USP28: variants seen among roughly 807,000 people sequenced by gnomAD.
USP28 encodes ubiquitin specific peptidase 28.
A neutral mutation model predicts 145.0 loss-of-function variants in USP28; 113 were observed. The ratio of observed to expected loss-of-function variants is 0.78; its 90% confidence interval spans 0.67 to 0.91. The LOEUF is 0.91. Ranked by LOEUF, USP28 falls within the 40% of genes least tolerant of loss-of-function variation. The pLI, the probability that USP28 is intolerant of heterozygous loss-of-function variation, is 0.00. For missense variants in USP28, 1,201 were observed against 1,289.6 expected (o/e 0.93, Z 1.05); for synonymous variants, 447 against 450.9 (o/e 0.99, Z 0.11).
At position 113,831,887 on chromosome 11, in the gene USP28, G is replaced by A. The variant is rs763287681; in HGVS notation, c.833+33C>T. The A allele has an allele frequency of 2.3e-5, 37 of 1,597,400 alleles. No homozygotes were observed. In the East Asian group the frequency reaches 3.8e-4, roughly 16 times the overall value. Reference sequence around the variant, plus strand: ...AATTCTCACTGGCCCACTGTGAGTCGGAAGGATGTACAAACAAACCCTCAA... The same window carrying A: ...AATTCTCACTGGCCCACTGTGAGTCAGAAGGATGTACAAACAAACCCTCAA... On this transcript the variant is annotated intron_variant, in intron 8 of 24. Transcript: ENST00000003302.
At chr11:113,854,193 T>C in intron 2 of USP28, 65 bp downstream of exon 2, 1 of 1,431,734 alleles carries the variant, frequency 7.0e-7, no homozygotes, top group Non-Finnish European at 9.6e-7. Context: ...TAGCTTGAAC[T>C]GACATAACTA....
chr11:113,831,104 ATTG>A (rs1943935534), intron 8 of USP28, 161 bp from the exon 9 acceptor site: 2 of 640,278 alleles, frequency 3.1e-6, no homozygotes, highest in South Asian at 4.0e-5. Flanking sequence ...TCAAATATTT[ATTG>A]AACACCTTCT....
intron 1 of USP28, among the ~76,000 whole-genome samples, chr11:113,868,354 T>C (rs1948492165): frequency 6.6e-6 from 1 of 152,230 alleles, no homozygotes. Flanking sequence ...TTGCAAATTC[T>C]ACTTCCTGCT....
At chr11:113,860,442 C>A (rs1299034258) in intron 1 of USP28, among the ~76,000 whole-genome samples, 22 of 134,562 alleles carry the variant, frequency 1.6e-4, no homozygotes, top group African/African-American at 3.3e-4. Flanking sequence ...CCAAGGGAAG[C>A]AAAAAAAAAA....
exon 11 of USP28, chr11:113,827,312 A>G: frequency 1.2e-5 from 19 of 1,612,648 alleles, no homozygotes; most frequent in Non-Finnish European, 1.6e-5. Flanking sequence ...TTAAACTCAA[A>G]TCTTGAGAGT....
rs181666835 is a variant in USP28 at position 113,853,910 on chromosome 11, C to A, written c.135+348G>T. On this transcript the variant is annotated intron_variant, in intron 2 of 24. Transcript: ENST00000003302. ...AAAAAAAAGTATATATATATACATACCTTAAGAATAACAACAGGTTTTTTC... is the reference window on the plus strand; with the variant it reads ...AAAAAAAAGTATATATATATACATAACTTAAGAATAACAACAGGTTTTTTC... Among the ~76,000 whole-genome samples, 1,368 of 146,164 alleles carry A rather than the reference C, an allele frequency of 9.4e-3. 31 individuals carry two copies. The highest frequency in any genetic ancestry group is 0.034 in the African/African-American group (1,326 of 39,464).
rs768509650 is a variant in USP28 at position 113,817,855 on chromosome 11, T to G, written c.1284-18A>C. 6.2e-7 allele frequency: 1 copy of G among 1,611,774 alleles called. No individual in the cohort carries two copies. The highest frequency in any genetic ancestry group is 8.5e-7 in the Non-Finnish European group (1 of 1,179,618). On this transcript the variant is annotated intron_variant, in intron 12 of 24. Transcript: ENST00000003302. ...TCACATACCTAAGCGACAAAGACAG[T>G]GGTACTCTACTGCCCAAGGCTGTTT...
intron 19 of USP28, among the ~76,000 whole-genome samples, chr11:113,805,636 G>T (rs1939818944): frequency 6.6e-6 from 1 of 152,158 alleles, no homozygotes; most frequent in South Asian, 2.1e-4. Context: ...ATAAAAGGCA[G>T]ATCCTTGTGT....
chr11:113,803,668 G>A lies in USP28; in HGVS notation c.2738+130C>T, dbSNP rs1175514688. ...TTAGAGCAAAACCAAAGCACTGCAA[G>A]AGAAGAGGCACACTAGTGTATGTGA... On this transcript the variant is annotated intron_variant, in intron 22 of 24. Transcript: ENST00000003302. 1.1e-5 allele frequency: 8 copies of A among 695,762 alleles called. No individual in the cohort carries two copies. The East Asian group carries it at 2.1e-4, about 19-fold the overall frequency. The allele number at this position is 695,762 out of a possible 1,614,324, so 43.1% of individuals were successfully genotyped here.
At chr11:113,840,183 T>C (rs7104752) in intron 5 of USP28, among the ~76,000 whole-genome samples, 45,543 of 152,026 alleles carry the variant, frequency 0.3, 8,030 homozygotes, top group Non-Finnish European at 0.4. Context: ...TGGATCCAAC[T>C]GCCCACCAAT....
intron 5 of USP28, among the ~76,000 whole-genome samples, chr11:113,837,409 T>C (rs2428014): frequency 0.075 from 11,374 of 152,234 alleles, 491 homozygotes; most frequent in Non-Finnish European, 0.09. Flanking sequence ...ACTCCATCTC[T>C]ATCTACATCC....
intron 19 of USP28, 50 bp from the exon 21 acceptor site, chr11:113,805,096 G>A: frequency 6.4e-7 from 1 of 1,563,434 alleles, no homozygotes; most frequent in South Asian, 1.2e-5. Context: ...GTGGGCTTCT[G>A]CACACAGAAA....
intron 14 of USP28, among the ~76,000 whole-genome samples, chr11:113,814,687 T>C (rs1941456196): frequency 6.6e-6 from 1 of 151,964 alleles, no homozygotes. Flanking sequence ...ATCTGTATAA[T>C]GGGGGTGTGT....
chr11:113,828,556 TATA>T (rs986146438), intron 10 of USP28, among the ~76,000 whole-genome samples: 25 of 152,304 alleles, frequency 1.6e-4, no homozygotes, highest in African/African-American at 5.8e-4. Flanking sequence ...TGGAATCATA[TATA>T]AGCCACAGTT....
At chr11:113,823,752 T>C in intron 11 of USP28, 52 bp from the exon 12 acceptor site, 3 of 1,423,952 alleles carry the variant, frequency 2.1e-6, no homozygotes, top group Non-Finnish European at 2.9e-6. Context: ...ATTAATGACA[T>C]AAAGTCTCAG....
intron 23 of USP28, 110 bp from the exon 25 acceptor site, chr11:113,801,788 T>G (rs1939075588): frequency 1.2e-6 from 1 of 843,988 alleles, no homozygotes; most frequent in South Asian, 3.1e-5. Context: ...TTGGATGTAC[T>G]TAGGGATCTT....
At chr11:113,805,074 A>C in intron 19 of USP28, 28 bp from the exon 21 acceptor site, 6 of 1,609,236 alleles carry the variant, frequency 3.7e-6, no homozygotes, top group East Asian at 2.2e-5. Flanking sequence ...AATGGTTAGA[A>C]AATAGTGTGC....
intron 11 of USP28, among the ~76,000 whole-genome samples, chr11:113,824,268 T>C (rs1271157532): frequency 6.6e-6 from 1 of 152,164 alleles, no homozygotes; most frequent in Non-Finnish European, 1.5e-5. Context: ...TAAATCTCTA[T>C]TAACTTATTT....
At chr11:113,800,300 C>T (rs112028986) in intron 24 of USP28, among the ~76,000 whole-genome samples, 1,579 of 150,848 alleles carry the variant, frequency 0.01, 27 homozygotes, top group African/African-American at 0.033. Context: ...CCACTGCGCC[C>T]GGCCTTTTTT....
Sources: gnomAD v4.1 joint callset for allele counts (sites outside exome capture counted in the v4.1 genomes callset) on GRCh38, gnomAD v4.1.1 for gene constraint, MANE v1.5 for transcripts, NCBI Gene and HGNC (gene_info 2026-07-23, HGNC 2026-07-21) for gene names.